The following BPIFC variants were observed in gnomAD, a reference collection of about 807,000 sequenced individuals.
BPIFC encodes the protein BPI fold containing family C.
In BPIFC, 60 loss-of-function variants were observed where a neutral mutation model predicts 57.6. The ratio of observed to expected loss-of-function variants is 1.04; its 90% CI spans 0.85 to 1.29. The LOEUF is 1.29. Among genes scored for constraint, BPIFC ranks in the 50% most tolerant of loss-of-function variants. The pLI is 0.00. For missense variants in BPIFC, 581 were observed against 600.5 expected (o/e 0.97, Z 0.34); for synonymous variants, 243 against 224.5 (o/e 1.08, Z -0.74).
chr22:32,441,841 G>C lies in BPIFC; in HGVS notation c.655+830C>G, dbSNP rs575214929. ...ATGATTTTTCCATGGCCTGGGGTTG[G>C]GGGGGATGGTTTCGGGATGAAACTG... On this transcript the variant is annotated intron_variant, in intron 8 of 16. Coordinates refer to ENST00000300399, the MANE Select transcript of BPIFC (RefSeq NM_174932.3). 1.4e-4 allele frequency among the ~76,000 whole-genome samples: 21 copies of C among 152,260 alleles called. No individual in the cohort carries two copies. The South Asian group carries it at 2.3e-3, about 17-fold the overall frequency.
rs150969008 is a variant in BPIFC at position 32,443,510 on chromosome 22, T to A, written c.595-779A>T. ...CCCCCTGGGCTAGTTGGAGAGCACA[T>A]TATATCAGAGATCTACTTAGAGATC... On this transcript the variant is annotated intron_variant, in intron 7 of 16. Coordinates refer to ENST00000300399, the MANE Select transcript of BPIFC (RefSeq NM_174932.3). Among the ~76,000 whole-genome samples the A allele has an allele frequency of 5.1e-3, 770 of 152,306 alleles. 2 individuals carry two copies. Among genetic ancestry groups the A allele is most frequent in the Admixed American group, 8.4e-3 (128 of 15,292 alleles).
chr22:32,458,822 C>G (rs1041702128), intron 2 of BPIFC, among the ~76,000 whole-genome samples: 8 of 152,170 alleles, frequency 5.3e-5, no homozygotes, highest in African/African-American at 1.9e-4. Context: ...GAGTCCAGTA[C>G]AATACCTGGC....
chr22:32,420,673 A>C (rs939735050), intron 13 of BPIFC, among the ~76,000 whole-genome samples: 2 of 152,246 alleles, frequency 1.3e-5, no homozygotes, highest in Admixed American at 6.5e-5. Flanking sequence ...GTTAACAATA[A>C]TATATTGTGT....
intron 12 of BPIFC, 74 bp downstream of exon 12, chr22:32,432,299 A>C: frequency 7.9e-6 from 12 of 1,518,092 alleles, no homozygotes; most frequent in Non-Finnish European, 9.9e-6. Flanking sequence ...AACGTTTAAA[A>C]GCTGCTGGCC....
chr22:32,421,919 G>A (rs1023662055), intron 13 of BPIFC, among the ~76,000 whole-genome samples: 2 of 152,192 alleles, frequency 1.3e-5, no homozygotes, highest in Non-Finnish European at 2.9e-5. Context: ...TCCAGGGGAG[G>A]GCTGCTTGAG....
At position 32,453,538 on chromosome 22, in the gene BPIFC, G is replaced by A. The variant is rs150445945; in HGVS notation, c.125-35C>T. ...AAACAAGAAAGAATCTGTTGATAAT[G>A]ACAAAGATAATAATAGCATAATAAC... On this transcript the variant is annotated intron_variant, in intron 3 of 16. Coordinates refer to ENST00000300399, the MANE Select transcript of BPIFC (RefSeq NM_174932.3). 9.2e-5 allele frequency: 143 copies of A among 1,553,700 alleles called. No homozygotes were observed. In the African/African-American group the frequency reaches 1.8e-3, roughly 20 times the overall value.
intron 13 of BPIFC, among the ~76,000 whole-genome samples, chr22:32,427,120 A>G: frequency 6.6e-6 from 1 of 152,160 alleles, no homozygotes; most frequent in East Asian, 1.9e-4. Flanking sequence ...ATGAGGTCAA[A>G]GAACTCTGTG....
chr22:32,455,724 A>G (rs1286775486), intron 3 of BPIFC, among the ~76,000 whole-genome samples: 15 of 152,184 alleles, frequency 9.9e-5, no homozygotes, highest in Admixed American at 9.8e-4. Context: ...TGAGTCCCTT[A>G]CTGCTGTGAG....
intron 12 of BPIFC, 25 bp from the exon 13 acceptor site, chr22:32,431,439 A>ATTTATTTTTTTTTTTT: frequency 2.2e-6 from 3 of 1,343,074 alleles, no homozygotes; most frequent in South Asian, 1.2e-5. Flanking sequence ...AGCATTTATT[A>ATTTATTTTTTTTTTTT]TTAAGACGAG....
intron 4 of BPIFC, 186 bp downstream of exon 4, chr22:32,453,197 G>A: frequency 4.9e-6 from 2 of 404,776 alleles, no homozygotes; most frequent in South Asian, 5.9e-5. Context: ...TGATTTGATG[G>A]CTGGAACCGC....
In BPIFC at chr22:32,453,364, T is replaced by C; in HGVS notation, c.245+19A>G. The C allele has an allele frequency of 6.4e-7, 1 of 1,550,602 alleles. No homozygotes were observed. On this transcript the variant is annotated intron_variant, in intron 4 of 16. Coordinates refer to ENST00000300399, the MANE Select transcript of BPIFC (RefSeq NM_174932.3). ...TTTGAGCTTCTTATAAGAGGCAAAATGCTCTTCTTTTTACTTACTTTGAAA... is the reference window on the plus strand; with the variant it reads ...TTTGAGCTTCTTATAAGAGGCAAAACGCTCTTCTTTTTACTTACTTTGAAA...
At chr22:32,431,113 C>A (rs1443345208) in intron 13 of BPIFC, among the ~76,000 whole-genome samples, 10 of 147,784 alleles carry the variant, frequency 6.8e-5, no homozygotes, top group Non-Finnish European at 3.0e-5. Context: ...CAATGGTTAA[C>A]GTCCCTTTTT....
In BPIFC at chr22:32,453,319, A is replaced by G. The variant is rs113518374; in HGVS notation, c.245+64T>C. On this transcript the variant is annotated intron_variant, in intron 4 of 16. Coordinates refer to ENST00000300399, the MANE Select transcript of BPIFC (RefSeq NM_174932.3). ...TCTGATGAAATCGTGGGGCTTCCAT[A>G]GAATTCCTCCACTGTTTCCTTTGAG... 55 of 1,179,850 alleles carry G rather than the reference A, an allele frequency of 4.7e-5. No homozygotes were observed. In the African/African-American group the frequency reaches 7.1e-4, roughly 15 times the overall value. The allele number at this position is 1,179,850 out of a possible 1,614,324, so 73.1% of individuals were successfully genotyped here. A position where few individuals can be genotyped will look rare whatever the true frequency, so the allele number is the denominator to read the frequency against.
At chr22:32,431,653 CTCT>C (rs1233746087) in intron 12 of BPIFC, among the ~76,000 whole-genome samples, 1 of 151,608 alleles carries the variant, frequency 6.6e-6, no homozygotes, top group South Asian at 2.1e-4. Context: ...CTCCTAATCG[CTCT>C]TCTTTATGTA....
chr22:32,436,002 G>A (rs1429170891), intron 9 of BPIFC, 122 bp from the exon 10 acceptor site: 1 of 1,098,636 alleles, frequency 9.1e-7, no homozygotes, highest in Admixed American at 2.8e-5. Flanking sequence ...AGGTGTGGTG[G>A]CTCACGCCTA....
intron 13 of BPIFC, among the ~76,000 whole-genome samples, chr22:32,428,943 C>T (rs1339467824): frequency 2.0e-5 from 3 of 151,988 alleles, no homozygotes; most frequent in Non-Finnish European, 4.4e-5. Flanking sequence ...AAACAATATA[C>T]TTACAAAGAA....
At chr22:32,440,769 A>C (rs1934543300) in intron 8 of BPIFC, among the ~76,000 whole-genome samples, 1 of 152,070 alleles carries the variant, frequency 6.6e-6, no homozygotes. Flanking sequence ...CTTGACCTTC[A>C]AGGTACATCC....
intron 13 of BPIFC, among the ~76,000 whole-genome samples, chr22:32,423,450 G>C (rs1933904109): frequency 6.6e-6 from 1 of 152,116 alleles, no homozygotes; most frequent in African/African-American, 2.4e-5. Context: ...CCACTGACTT[G>C]TCCATCATTG....
chr22:32,424,678 T>TCCTCCTCCTCCTCCTCCTCCTCCTCCTCC (rs1569448055), intron 13 of BPIFC, among the ~76,000 whole-genome samples: 1 of 90,456 alleles, frequency 1.1e-5, no homozygotes, highest in Non-Finnish European at 2.0e-5. Flanking sequence ...CTTCTTCTTC[T>TCCTCCTCCTCCTCCTCCTCCTCCTCCTCC]TCTTCTTCTT....
Sources: gnomAD v4.1 joint callset for allele counts (sites outside exome capture counted in the v4.1 genomes callset) on GRCh38, gnomAD v4.1.1 for gene constraint, MANE v1.5 for transcripts, NCBI Gene and HGNC (gene_info 2026-07-23, HGNC 2026-07-21) for gene names.